The following RAD51B variants were observed in gnomAD, a reference collection of about 807,000 sequenced individuals.
The protein encoded by RAD51B is RAD51 paralog B.
In RAD51B, 38 loss-of-function variants were observed where a neutral mutation model predicts 42.2. The ratio of observed to expected loss-of-function variants is 0.90; its 90% CI spans 0.70 to 1.18. The LOEUF (loss-of-function observed/expected upper bound fraction) is 1.18, where lower values mean the gene tolerates loss of function less well. RAD51B is among the 50% of genes most tolerant of loss of function. The pLI, the probability that RAD51B is intolerant of heterozygous loss-of-function variation, is 0.00. For missense variants in RAD51B, 373 were observed against 400.7 expected (o/e 0.93, Z 0.59); for synonymous variants, 154 against 145.2 (o/e 1.06, Z -0.43).
At chr14:67,842,904 C>T (rs2041478136) in intron 4 of RAD51B, among the ~76,000 whole-genome samples, 2 of 152,092 alleles carry the variant, frequency 1.3e-5, no homozygotes, top group South Asian at 2.1e-4. Flanking sequence ...ATGTTGACAG[C>T]TTTTTCTGTG....
At chr14:68,138,301 G>A (rs1247807899) in intron 7 of RAD51B, among the ~76,000 whole-genome samples, 2 of 152,144 alleles carry the variant, frequency 1.3e-5, no homozygotes, top group Non-Finnish European at 2.9e-5. Context: ...TAGGTTGGTA[G>A]CATAACAAAA....
chr14:68,463,442 C>T (rs773302468), intron 9 of RAD51B, among the ~76,000 whole-genome samples: 1 of 152,044 alleles, frequency 6.6e-6, no homozygotes, highest in Non-Finnish European at 1.5e-5. Flanking sequence ...ACAGAATCTT[C>T]AGGTTAGAAA....
At chr14:68,464,214 A>G (rs2085918448) in intron 9 of RAD51B, among the ~76,000 whole-genome samples, 1 of 152,120 alleles carries the variant, frequency 6.6e-6, no homozygotes, top group South Asian at 2.1e-4. Context: ...GTCTTCTGTT[A>G]CCTTCCCATC....
At chr14:68,015,812 A>G (rs1409728520) in intron 7 of RAD51B, among the ~76,000 whole-genome samples, 1 of 152,192 alleles carries the variant, frequency 6.6e-6, no homozygotes, top group East Asian at 1.9e-4. Context: ...GAAGAGGACA[A>G]AATTTTTGAT....
intron 7 of RAD51B, among the ~76,000 whole-genome samples, chr14:68,176,456 T>C (rs1179481354): frequency 2.0e-5 from 3 of 152,180 alleles, no homozygotes; most frequent in African/African-American, 7.2e-5. Flanking sequence ...GCTGAAATAG[T>C]GGATCAGAAA....
chr14:68,087,920 T>TTATTTATATAATTATATAA (rs2077016471), intron 7 of RAD51B, among the ~76,000 whole-genome samples: 2 of 115,652 alleles, frequency 1.7e-5, no homozygotes, highest in African/African-American at 8.0e-5. Flanking sequence ...ATATAATATA[T>TTATTTATATAATTATATAA]TATATATAAT....
chr14:68,234,171 TTGAG>T (rs1479806100), intron 7 of RAD51B, among the ~76,000 whole-genome samples: 2 of 152,250 alleles, frequency 1.3e-5, no homozygotes, highest in Non-Finnish European at 2.9e-5. Flanking sequence ...GGGTGGGTGT[TTGAG>T]TGGGACCTCC....
At chr14:68,177,206 T>C (rs1308319915) in intron 7 of RAD51B, among the ~76,000 whole-genome samples, 1 of 152,220 alleles carries the variant, frequency 6.6e-6, no homozygotes, top group Admixed American at 6.5e-5. Context: ...CACTTAGTGA[T>C]GTTTTCCTCT....
chr14:68,118,225 T>C lies in RAD51B; in HGVS notation c.757-173659T>C, dbSNP rs2077583644. 2.0e-5 allele frequency among the ~76,000 whole-genome samples: 3 copies of C among 152,210 alleles called. No individual in the cohort carries two copies. In the South Asian group the frequency reaches 6.2e-4, roughly 32 times the overall value. On this transcript the variant is annotated intron_variant, in intron 7 of 10. Transcript: ENST00000471583. ...CTCTAATGTTAACATCTAATATAAG[T>C]ATAGTACAGTTACCAAAATCAGGAA...
chr14:67,869,937 G>A (rs1312149212), intron 5 of RAD51B, among the ~76,000 whole-genome samples: 8 of 150,168 alleles, frequency 5.3e-5, no homozygotes, highest in South Asian at 2.2e-4. Flanking sequence ...TGAAGGAAGC[G>A]CTAAACATGG....
intron 7 of RAD51B, among the ~76,000 whole-genome samples, chr14:67,938,770 A>T (rs2045050108): frequency 6.6e-6 from 1 of 152,234 alleles, no homozygotes; most frequent in African/African-American, 2.4e-5. Context: ...GTGCTTGCCC[A>T]GACGGACTCC....
chr14:68,240,896 A>G (rs904062490), intron 7 of RAD51B, among the ~76,000 whole-genome samples: 3 of 152,248 alleles, frequency 2.0e-5, no homozygotes, highest in African/African-American at 4.8e-5. Flanking sequence ...TAGGCTAGGC[A>G]CTTTACCTAC....
chr14:68,328,391 T>C (rs2082286495), intron 8 of RAD51B, among the ~76,000 whole-genome samples: 1 of 152,194 alleles, frequency 6.6e-6, no homozygotes, highest in Non-Finnish European at 1.5e-5. Flanking sequence ...GTTTAAGGTC[T>C]TGTGCTGGTA....
intron 7 of RAD51B, among the ~76,000 whole-genome samples, chr14:67,935,277 G>A (rs1471221548): frequency 6.6e-6 from 1 of 152,164 alleles, no homozygotes; most frequent in Non-Finnish European, 1.5e-5. Flanking sequence ...TTGAGTGTAA[G>A]ATATGGTGCA....
intron 8 of RAD51B, among the ~76,000 whole-genome samples, chr14:68,361,612 CTCCTGGTGCTTGT>C (rs2083025764): frequency 6.6e-6 from 1 of 152,072 alleles, no homozygotes; most frequent in South Asian, 2.1e-4. Context: ...AGGGGAGAGT[CTCCTGGTGCTTGT>C]TTCATGTATC....
intron 10 of RAD51B, among the ~76,000 whole-genome samples, chr14:68,510,197 T>C (rs1849929213): frequency 6.6e-6 from 1 of 152,198 alleles, no homozygotes; most frequent in Non-Finnish European, 1.5e-5. Flanking sequence ...CCTGAGTTTG[T>C]GGGACACACA....
intron 5 of RAD51B, among the ~76,000 whole-genome samples, chr14:67,874,300 A>G (rs187176484): frequency 2.0e-5 from 3 of 152,300 alleles, no homozygotes; most frequent in South Asian, 2.1e-4. Context: ...TCTCCAGACT[A>G]TTTAACAATT....
chr14:68,533,240 G>T (rs1266060041), intron 10 of RAD51B, among the ~76,000 whole-genome samples: 2 of 152,132 alleles, frequency 1.3e-5, no homozygotes, highest in African/African-American at 4.8e-5. Context: ...ATATACAAAA[G>T]TCAACAGCAT....
intron 10 of RAD51B, among the ~76,000 whole-genome samples, chr14:68,603,176 A>G (rs948469966): frequency 6.6e-6 from 1 of 152,170 alleles, no homozygotes; most frequent in African/African-American, 2.4e-5. Flanking sequence ...GGAGTGCCTT[A>G]TATGGATTAG....
Sources: allele counts gnomAD v4.1 joint callset (sites outside exome capture counted in the v4.1 genomes callset), GRCh38; gene constraint gnomAD v4.1.1; transcripts MANE v1.5; gene names NCBI Gene and HGNC (gene_info 2026-07-23, HGNC 2026-07-21).